The following ADGRL3 variants were observed in gnomAD, a reference collection of about 807,000 sequenced individuals.
ADGRL3 encodes calcium-independent alpha-latrotoxin receptor 3.
A neutral mutation model predicts 153.5 loss-of-function variants in ADGRL3; 62 were observed. The ratio of observed to expected loss-of-function variants is 0.40; its 90% CI spans 0.33 to 0.50. ADGRL3 has a LOEUF of 0.50. Among genes scored for constraint, ADGRL3 ranks in the 20% least tolerant of loss-of-function variants. ADGRL3 has a pLI of 0.47. For missense variants in ADGRL3, 1,641 were observed against 1,859.4 expected, an observed-to-expected ratio of 0.88 and a Z score of 2.16; for synonymous variants, 710 against 672.5, an observed-to-expected ratio of 1.06 and a Z score of -0.86.
intron 4 of ADGRL3, among the ~76,000 whole-genome samples, chr4:61,572,075 A>G (rs756441039): frequency 2.0e-5 from 3 of 152,272 alleles, no homozygotes; most frequent in Non-Finnish European, 4.4e-5. Flanking sequence ...ATGTTTTTGA[A>G]GATTTTAATA....
rs149950178 is a variant in ADGRL3 at position 61,520,580 on chromosome 4, C to T, written c.259+3062C>T. On this transcript the variant is annotated intron_variant, in intron 4 of 26. Coordinates refer to ENST00000683033, the MANE Select transcript of ADGRL3 (RefSeq NM_001387552.1). ...GAATTACATCAAACTCTACTATAAT[C>T]TTTTTTCAAAAAAACTTTTTCCTTC... Among the ~76,000 whole-genome samples, 117 of 151,110 alleles carry T rather than the reference C, an allele frequency of 7.7e-4. 3 individuals are homozygous for T. In the East Asian group the frequency reaches 0.02, roughly 25 times the overall value.
At chr4:61,834,276 A>G (rs977395102) in intron 9 of ADGRL3, among the ~76,000 whole-genome samples, 2 of 152,070 alleles carry the variant, frequency 1.3e-5, no homozygotes, top group Non-Finnish European at 2.9e-5. Flanking sequence ...CCATGTCCCT[A>G]TAAAGGACAT....
chr4:61,206,296 C>G (rs1224104672), intron 1 of ADGRL3, among the ~76,000 whole-genome samples: 2 of 152,156 alleles, frequency 1.3e-5, no homozygotes, highest in African/African-American at 4.8e-5. Flanking sequence ...GGTAATCCTA[C>G]TTATTTTGAA....
At chr4:62,049,982 T>G (rs545722058) in intron 25 of ADGRL3, among the ~76,000 whole-genome samples, 1 of 152,250 alleles carries the variant, frequency 6.6e-6, no homozygotes, top group Non-Finnish European at 1.5e-5. Context: ...TCACTTATAC[T>G]TTCTAAAAAA....
intron 23 of ADGRL3, among the ~76,000 whole-genome samples, chr4:62,033,829 A>G (rs1723517786): frequency 6.6e-6 from 1 of 151,770 alleles, no homozygotes; most frequent in South Asian, 2.1e-4. Context: ...CTAACTCATT[A>G]AGAAGTAATT....
chr4:61,956,405 T>C (rs937379150), intron 17 of ADGRL3, among the ~76,000 whole-genome samples: 2 of 152,208 alleles, frequency 1.3e-5, no homozygotes, highest in African/African-American at 4.8e-5. Flanking sequence ...CTTGTAAATT[T>C]GTTTAAGTTT....
Position 61,732,761 on chromosome 4 carries a change from T to C in ADGRL3, c.606T>C (p.Leu202=). The part of the protein sequence containing the change: ...VPYKVEQKVF[L]CPGLLKGVYQ... ...CTGTTTCCCTTCCAACAGTTTTTCTTTGTCCTGGACTACTAAAAGGAGTAT... is the reference window on the plus strand; with the variant it reads ...CTGTTTCCCTTCCAACAGTTTTTCTCTGTCCTGGACTACTAAAAGGAGTAT... The change falls in exon 8 of 27, where the codon CTT becomes CTC. Residue 202 remains leucine (L), a synonymous_variant. Coordinates refer to ENST00000683033, the MANE Select transcript of ADGRL3 (RefSeq NM_001387552.1). The C allele has an allele frequency of 6.6e-7, 1 of 1,508,982 alleles. No individual in the cohort carries two copies. Among genetic ancestry groups the C allele is most frequent in the Non-Finnish European group, 8.9e-7 (1 of 1,124,728 alleles). 93.5% of individuals were successfully genotyped at this position (1,508,982 alleles called of 1,614,324 possible).
intron 1 of ADGRL3, among the ~76,000 whole-genome samples, chr4:61,300,336 C>G (rs2094539388): frequency 6.6e-6 from 1 of 152,078 alleles, no homozygotes; most frequent in South Asian, 2.1e-4. Flanking sequence ...TAATATCAAA[C>G]TGGAATGGGC....
intron 21 of ADGRL3, among the ~76,000 whole-genome samples, chr4:62,006,025 TATA>T (rs2099157504): frequency 9.7e-6 from 1 of 102,622 alleles, no homozygotes; most frequent in African/African-American, 3.5e-5. Context: ...TATATATATA[TATA>T]TATATTTTTT....
chr4:61,717,773 C>T lies in ADGRL3; in HGVS notation c.584-12849C>T, dbSNP rs185547463. ...ATGGGGCTGGGCATTGTGGCTGACA[C>T]CTGTAATCCCAGCACTTTGGGAGGC... is the stretch of plus-strand genomic sequence containing the variant. On this transcript the variant is annotated intron_variant, in intron 6 of 26. Coordinates refer to ENST00000683033, the MANE Select transcript of ADGRL3 (RefSeq NM_001387552.1). Among the ~76,000 whole-genome samples the T allele has an allele frequency of 1.1e-4, 16 of 152,120 alleles. 1 individual carries two copies. The highest frequency in any genetic ancestry group is 3.4e-3 in the Middle Eastern group (1 of 294).
At chr4:61,960,908 C>T (rs2098985363) in intron 17 of ADGRL3, among the ~76,000 whole-genome samples, 1 of 152,056 alleles carries the variant, frequency 6.6e-6, no homozygotes, top group Non-Finnish European at 1.5e-5. Context: ...TGAGGTTTCA[C>T]CATTTTGGCC....
At chr4:61,961,874 C>A (rs1191563860) in intron 17 of ADGRL3, among the ~76,000 whole-genome samples, 1 of 152,092 alleles carries the variant, frequency 6.6e-6, no homozygotes, top group Non-Finnish European at 1.5e-5. Flanking sequence ...TTTTTCTCCA[C>A]TCTTTTACAG....
chr4:61,456,935 T>C (rs942901572), intron 2 of ADGRL3, among the ~76,000 whole-genome samples: 2 of 152,052 alleles, frequency 1.3e-5, no homozygotes, highest in African/African-American at 2.4e-5. Flanking sequence ...CCAATAAATA[T>C]CTTTTTATAC....
intron 21 of ADGRL3, among the ~76,000 whole-genome samples, chr4:62,026,339 A>G (rs189118154): frequency 6.6e-6 from 1 of 152,116 alleles, no homozygotes; most frequent in East Asian, 1.9e-4. Context: ...GAGGAGACCA[A>G]TTCCAATCCT....
chr4:61,521,524 T>C (rs1266362755), intron 4 of ADGRL3, among the ~76,000 whole-genome samples: 1 of 152,080 alleles, frequency 6.6e-6, no homozygotes, highest in Non-Finnish European at 1.5e-5. Flanking sequence ...ACCAAAACAG[T>C]CTTCAAGACC....
chr4:61,677,628 A>G (rs1004270013), intron 6 of ADGRL3, among the ~76,000 whole-genome samples: 2 of 152,004 alleles, frequency 1.3e-5, no homozygotes, highest in Non-Finnish European at 2.9e-5. Flanking sequence ...CTAACTCGTT[A>G]ATTATTTATG....
At chr4:61,736,456 A>G (rs1239575581) in intron 8 of ADGRL3, among the ~76,000 whole-genome samples, 2 of 151,972 alleles carry the variant, frequency 1.3e-5, no homozygotes, top group Non-Finnish European at 2.9e-5. Flanking sequence ...GAGTTCAAAA[A>G]CCTAGCCTGG....
chr4:61,246,387 A>G (rs1757085854), intron 1 of ADGRL3, among the ~76,000 whole-genome samples: 1 of 152,062 alleles, frequency 6.6e-6, no homozygotes, highest in South Asian at 2.1e-4. Context: ...TATATCAAGC[A>G]TCGGGGGGAG....
intron 4 of ADGRL3, among the ~76,000 whole-genome samples, chr4:61,524,056 G>C (rs2098546093): frequency 6.6e-6 from 1 of 152,000 alleles, no homozygotes; most frequent in Non-Finnish European, 1.5e-5. Flanking sequence ...GTGTTCCAAA[G>C]GAGCAAATTT....
Sources: allele counts gnomAD v4.1 joint callset (sites outside exome capture counted in the v4.1 genomes callset), GRCh38; gene constraint gnomAD v4.1.1; transcripts MANE v1.5; gene names NCBI Gene and HGNC (gene_info 2026-07-23, HGNC 2026-07-21).